The following CCDC57 variants were observed in gnomAD, a reference collection of about 807,000 sequenced individuals.
CCDC57 encodes coiled-coil domain containing 57, also known as coiled-coil domain-containing protein 57.
Under a neutral mutation model 118.9 loss-of-function variants are expected in CCDC57, and 118 were observed. That is an observed-to-expected ratio of 0.99 (90% CI 0.86 to 1.16). The LOEUF (loss-of-function observed/expected upper bound fraction) is 1.16. CCDC57 is among the 50% of genes most tolerant of loss of function. The pLI, the probability that CCDC57 is intolerant of heterozygous loss-of-function variation, is 0.00. For synonymous variants in CCDC57, 527 were observed against 532.9 expected (o/e 0.99, Z 0.15); for missense variants, 1,300 against 1,320.7 (o/e 0.98, Z 0.24).
At chr17:82,154,608 CTGTG>C in intron 15 of CCDC57, 1 of 151,786 alleles carries the variant, frequency 6.6e-6, no homozygotes, top group East Asian at 1.9e-4. Flanking sequence ...ACTGTCTCTC[CTGTG>C]CAGGGTCCAT....
intron 8 of CCDC57, among the ~76,000 whole-genome samples, chr17:82,186,786 A>T (rs1253213063): frequency 6.6e-6 from 1 of 152,066 alleles, no homozygotes; most frequent in Non-Finnish European, 1.5e-5. Flanking sequence ...TACAAAAAAT[A>T]CAAAAATTAG....
At chr17:82,104,313 G>A (rs2034687464) in intron 19 of CCDC57, among the ~76,000 whole-genome samples, 1 of 152,234 alleles carries the variant, frequency 6.6e-6, no homozygotes, top group Admixed American at 6.5e-5. Context: ...CTTGGGTCCT[G>A]CACCCCTCCC....
intron 16 of CCDC57, among the ~76,000 whole-genome samples, chr17:82,137,484 T>C (rs2039377438): frequency 6.6e-6 from 1 of 152,236 alleles, no homozygotes; most frequent in Non-Finnish European, 1.5e-5. Flanking sequence ...AAGCTTCCCA[T>C]GCTTATGAAA....
chr17:82,134,145 T>G (rs747001052), exon 17 of CCDC57: 1 of 1,381,444 alleles, frequency 7.2e-7, no homozygotes, highest in South Asian at 1.8e-5. Context: ...GCTCCTCGCC[T>G]GGCTTCCGGG....
At chr17:82,144,856 T>A (rs767085511) in intron 16 of CCDC57, among the ~76,000 whole-genome samples, 3 of 152,264 alleles carry the variant, frequency 2.0e-5, no homozygotes, top group Non-Finnish European at 4.4e-5. Flanking sequence ...CATTTCCCGA[T>A]GCATTAAAGA....
chr17:82,193,314 AG>A (rs1269582610), intron 7 of CCDC57, among the ~76,000 whole-genome samples: 1 of 152,102 alleles, frequency 6.6e-6, no homozygotes, highest in Non-Finnish European at 1.5e-5. Context: ...GAGGCCAAGG[AG>A]GTGGGCGGGT....
intron 16 of CCDC57, among the ~76,000 whole-genome samples, chr17:82,151,079 TCAGAACCTGGTGCACACC>T (rs2041947644): frequency 9.3e-5 from 1 of 10,788 alleles, no homozygotes; most frequent in Non-Finnish European, 1.8e-4. Context: ...AGGCGCACAC[TCAGAACCTGGTGCACACC>T]CAGAACCTGA....
intron 4 of CCDC57, among the ~76,000 whole-genome samples, chr17:82,197,640 G>A (rs574776274): frequency 1.3e-5 from 2 of 152,264 alleles, no homozygotes; most frequent in South Asian, 4.1e-4. Context: ...TCAAATGACT[G>A]GGCTACGGGC....
chr17:82,188,280 G>A, exon 8 of CCDC57: 1 of 1,581,996 alleles, frequency 6.3e-7, no homozygotes. Flanking sequence ...GCCCTGCGGA[G>A]CTGCGCCTCG....
chr17:82,193,823 C>G (rs1265740869), exon 7 of CCDC57: 4 of 1,595,514 alleles, frequency 2.5e-6, no homozygotes, highest in Non-Finnish European at 3.4e-6. Flanking sequence ...TCCTCTAAAT[C>G]CTTTACCCTG....
chr17:82,191,987 CTTTTTTT>C (rs35746149), intron 7 of CCDC57, among the ~76,000 whole-genome samples: 2 of 137,806 alleles, frequency 1.5e-5, no homozygotes, highest in African/African-American at 2.7e-5. Context: ...TTTTTTATGA[CTTTTTTT>C]TTTTTTTTTG....
At chr17:82,189,563 T>C (rs1271138214) in intron 7 of CCDC57, among the ~76,000 whole-genome samples, 1 of 152,096 alleles carries the variant, frequency 6.6e-6, no homozygotes, top group Non-Finnish European at 1.5e-5. Flanking sequence ...TTTAAAATTA[T>C]TCCTGGCTGG....
chr17:82,201,752 C>T, exon 3 of CCDC57: 1 of 1,613,886 alleles, frequency 6.2e-7, no homozygotes, highest in Non-Finnish European at 8.5e-7. Flanking sequence ...TCCCGCTCCT[C>T]CAGCACCTGA....
chr17:82,171,811 T>G lies in CCDC57; in HGVS notation c.1772A>C (p.His591Pro), dbSNP rs1469123322. The G allele has an allele frequency of 3.7e-6, 6 of 1,613,752 alleles. No homozygotes were observed. The highest frequency in any genetic ancestry group is 5.1e-6 in the Non-Finnish European group (6 of 1,179,760). Residue 591 changes from histidine to proline, a missense_variant, in exon 13 of 20, where the codon CAT (histidine) becomes CCT (proline). Transcript: ENST00000665763. Reference sequence around the variant, plus strand: ...ATGCTTTTCCAGAGTTTTAAACTTATGCTTTAGAGTTCGTATTTCTGCTTC... The same window carrying G: ...ATGCTTTTCCAGAGTTTTAAACTTAGGCTTTAGAGTTCGTATTTCTGCTTC...
At chr17:82,150,177 A>G (rs1483014663) in intron 16 of CCDC57, among the ~76,000 whole-genome samples, 3 of 149,552 alleles carry the variant, frequency 2.0e-5, no homozygotes, top group Non-Finnish European at 4.4e-5. Context: ...CCAGGTGCAC[A>G]CCCAGAACCT....
At chr17:82,128,578 T>C in exon 18 of CCDC57, 1 of 1,567,344 alleles carries the variant, frequency 6.4e-7, no homozygotes, top group South Asian at 1.2e-5. Flanking sequence ...AGGAGCCTCA[T>C]CCTCGGCACT....
chr17:82,103,738 CCTGGGAGGCCTGAGCTGGCCCTG>C (rs1218877620), intron 19 of CCDC57, among the ~76,000 whole-genome samples: 1 of 152,156 alleles, frequency 6.6e-6, no homozygotes, highest in Non-Finnish European at 1.5e-5. Context: ...TGCCCCTTTG[CCTGGGAGGCCTGAGCTGGCCCTG>C]CTGGGAGGAC....
chr17:82,177,761 T>C (rs1392102755), intron 11 of CCDC57, among the ~76,000 whole-genome samples: 2 of 151,968 alleles, frequency 1.3e-5, no homozygotes, highest in East Asian at 3.9e-4. Flanking sequence ...TTGGGTGGTC[T>C]TGTTGGGGTG....
chr17:82,173,810 G>A (rs1212454096), intron 11 of CCDC57, among the ~76,000 whole-genome samples: 6 of 134,964 alleles, frequency 4.4e-5, no homozygotes, highest in South Asian at 2.7e-4. Context: ...GGAGGACAAC[G>A]AGGTGAGGTG....
Sources: gnomAD v4.1 joint callset for allele counts (sites outside exome capture counted in the v4.1 genomes callset) on GRCh38, gnomAD v4.1.1 for gene constraint, MANE v1.5 for transcripts, NCBI Gene and HGNC (gene_info 2026-07-23, HGNC 2026-07-21) for gene names.